IRGM: variants seen among roughly 807,000 people sequenced by gnomAD.
IRGM encodes immunity-related GTPase family M protein.
For synonymous variants in IRGM, 98 were observed against 80.6 expected, an observed-to-expected ratio of 1.22 and a Z score of -1.16; for missense variants, 288 against 219.9, an observed-to-expected ratio of 1.31 and a Z score of -1.96.
At chr5:150,897,822 T>A (rs1754847930) in intron 3 of IRGM, 1 of 426,398 alleles carries the variant, frequency 2.3e-6, no homozygotes, top group Non-Finnish European at 4.1e-6. Context: ...TTGAAAGGAA[T>A]TTGCCTTCTA....
At chr5:150,898,283 C>T (rs570586796) in intron 3 of IRGM, 1 of 1,591,016 alleles carries the variant, frequency 6.3e-7, no homozygotes, top group East Asian at 2.2e-5. Context: ...TCCAGTTAGC[C>T]CTCAACAAAG....
At position 150,892,885 on chromosome 5, in the gene IRGM, C is replaced by T. The variant is rs189233367; in HGVS notation, c.*141-7704C>T. ...TTGTCCTCTTAAAGTATGGGGATTA[C>T]GGACATGAGCCACAATTTTCTTGTT... On this transcript the variant is annotated intron_variant and NMD_transcript_variant, in intron 3 of 3. Transcript: ENST00000520549. Among the ~76,000 whole-genome samples, 217 of 152,138 alleles carry T rather than the reference C, an allele frequency of 1.4e-3. 1 individual carries two copies. The highest frequency in any genetic ancestry group is 4.8e-3 in the African/African-American group (201 of 41,514).
intron 1 of IRGM, among the ~76,000 whole-genome samples, chr5:150,861,014 G>A (rs1652660350): frequency 6.6e-6 from 1 of 152,156 alleles, no homozygotes; most frequent in Admixed American, 6.5e-5. Context: ...ATAACTGAAT[G>A]GCTTCAATCA....
intron 1 of IRGM, among the ~76,000 whole-genome samples, chr5:150,867,005 C>G (rs1294136435): frequency 6.6e-6 from 1 of 152,106 alleles, no homozygotes; most frequent in Non-Finnish European, 1.5e-5. Flanking sequence ...TTTGAAATAA[C>G]ACATCTTTTT....
rs1431790476 is a variant in IRGM at position 150,847,874 on chromosome 5, C to T, written c.-250C>T. 2 of 462,846 alleles carry T rather than the reference C, an allele frequency of 4.3e-6. No individual in the cohort carries two copies. Among genetic ancestry groups the T allele is most frequent in the East Asian group, 4.0e-5 (1 of 25,164 alleles). The allele number at this position is 462,846 out of a possible 1,614,324, so 28.7% of individuals were successfully genotyped here. A position where few individuals can be genotyped will look rare whatever the true frequency, so the allele number is the denominator to read the frequency against. On this transcript the variant is annotated 5_prime_UTR_variant, in exon 2 of 2. Transcript: ENST00000522154. Reference sequence around the variant, plus strand: ...CTGGAGTGCAATGGCGTGATCTCAGCTCACTGCAATATCTGCGTCCAGGGT... The same window carrying T: ...CTGGAGTGCAATGGCGTGATCTCAGTTCACTGCAATATCTGCGTCCAGGGT...
At chr5:150,881,165 A>C (rs918677620) in intron 3 of IRGM, among the ~76,000 whole-genome samples, 4 of 152,082 alleles carry the variant, frequency 2.6e-5, no homozygotes, top group Admixed American at 2.6e-4. Flanking sequence ...TAAATATCCA[A>C]GTATGGGAAG....
chr5:150,857,186 G>GT (rs562042007), intron 1 of IRGM, among the ~76,000 whole-genome samples: 11 of 151,948 alleles, frequency 7.2e-5, no homozygotes, highest in African/African-American at 2.7e-4. Context: ...GTGGTGTTTG[G>GT]TTTTTTGTCC....
downstream of IRGM, among the ~76,000 whole-genome samples, chr5:150,853,003 CATT>C (rs2113253656): frequency 6.6e-6 from 1 of 152,130 alleles, no homozygotes; most frequent in South Asian, 2.1e-4. Context: ...GGGTTTAGAT[CATT>C]ATTCTTCTAG....
intron 3 of IRGM, among the ~76,000 whole-genome samples, chr5:150,899,865 A>C (rs1754931457): frequency 6.6e-6 from 1 of 152,142 alleles, no homozygotes; most frequent in Non-Finnish European, 1.5e-5. Flanking sequence ...CATAATTACC[A>C]AACACCACTT....
intron 1 of IRGM, among the ~76,000 whole-genome samples, chr5:150,862,549 C>A (rs898346562): frequency 6.6e-6 from 1 of 152,154 alleles, no homozygotes; most frequent in Non-Finnish European, 1.5e-5. Context: ...ATATGTGCTG[C>A]TTTTAAGAAG....
chr5:150,859,863 C>T (rs1450139470), intron 1 of IRGM, among the ~76,000 whole-genome samples: 1 of 151,914 alleles, frequency 6.6e-6, no homozygotes, highest in Non-Finnish European at 1.5e-5. Flanking sequence ...TTTTGTTGAT[C>T]TTTTCAAAAA....
intron 3 of IRGM, among the ~76,000 whole-genome samples, chr5:150,892,545 T>C (rs1339606888): frequency 6.6e-6 from 1 of 152,152 alleles, no homozygotes; most frequent in Non-Finnish European, 1.5e-5. Flanking sequence ...CTTTCCAGGT[T>C]GCAAGCCCAC....
intron 3 of IRGM, chr5:150,895,658 C>T (rs1754732173): frequency 6.2e-7 from 1 of 1,613,038 alleles, no homozygotes; most frequent in Non-Finnish European, 8.5e-7. Flanking sequence ...AGAAGGCTTT[C>T]CCACATTCAG....
At chr5:150,893,353 A>G (rs758197938) in intron 3 of IRGM, among the ~76,000 whole-genome samples, 2 of 152,190 alleles carry the variant, frequency 1.3e-5, no homozygotes, top group African/African-American at 2.4e-5. Flanking sequence ...AAGAAGTCTA[A>G]TAAGTTATCC....
downstream of IRGM, among the ~76,000 whole-genome samples, chr5:150,852,272 T>C (rs1753987676): frequency 6.6e-6 from 1 of 152,206 alleles, no homozygotes; most frequent in Admixed American, 6.5e-5. Context: ...TAGACTCAGC[T>C]TCTCATTATT....
intron 1 of IRGM, among the ~76,000 whole-genome samples, chr5:150,871,842 C>A (rs989722772): frequency 6.6e-6 from 1 of 152,184 alleles, no homozygotes; most frequent in Non-Finnish European, 1.5e-5. Flanking sequence ...TAATAATTCT[C>A]CCGGTTTGGA....
downstream of IRGM, among the ~76,000 whole-genome samples, chr5:150,850,793 C>T (rs137890938): frequency 0.015 from 2,287 of 152,204 alleles, 223 homozygotes; most frequent in Admixed American, 0.14. Context: ...TGGTTTCCAC[C>T]CCCTGTAGTG....
At chr5:150,850,240 T>C (rs1182462420), downstream of IRGM, among the ~76,000 whole-genome samples, 1 of 152,194 alleles carries the variant, frequency 6.6e-6, no homozygotes, top group Non-Finnish European at 1.5e-5. Context: ...TAAAAAAATA[T>C]GTATGGCAGT....
chr5:150,859,609 G>T (rs1254932027), intron 1 of IRGM, among the ~76,000 whole-genome samples: 1 of 152,200 alleles, frequency 6.6e-6, no homozygotes, highest in Non-Finnish European at 1.5e-5. Flanking sequence ...TTCAGAGCCT[G>T]TTATTGGTCT....
Sources: gnomAD v4.1 joint callset for allele counts (sites outside exome capture counted in the v4.1 genomes callset) on GRCh38, gnomAD v4.1.1 for gene constraint, MANE v1.5 for transcripts, NCBI Gene and HGNC (gene_info 2026-07-23, HGNC 2026-07-21) for gene names.